Variants in OLFM3 observed in about 807,000 individuals in gnomAD.
OLFM3 encodes the protein olfactomedin 3.
Under a neutral mutation model 48.6 loss-of-function variants are expected in OLFM3, and 20 were observed. That is an observed-to-expected ratio of 0.41 (90% CI 0.29 to 0.60). The LOEUF (loss-of-function observed/expected upper bound fraction) is 0.60, where lower values mean the gene tolerates loss of function less well. Ranked by LOEUF, OLFM3 falls within the 20% of genes least tolerant of loss-of-function variation. OLFM3 has a pLI of 0.28. For synonymous variants in OLFM3, 222 were observed against 198.1 expected (o/e 1.12, Z -1.01); for missense variants, 437 against 544.3 (o/e 0.80, Z 1.96).
At chr1:101,870,857 A>C (rs951370717) in intron 1 of OLFM3, among the ~76,000 whole-genome samples, 1 of 152,104 alleles carries the variant, frequency 6.6e-6, no homozygotes, top group Non-Finnish European at 1.5e-5. Context: ...GTATAATATA[A>C]AAATTTTCCA....
intron 1 of OLFM3, among the ~76,000 whole-genome samples, chr1:101,921,560 G>A (rs1357723896): frequency 6.6e-6 from 1 of 152,068 alleles, no homozygotes; most frequent in Non-Finnish European, 1.5e-5. Context: ...AGGCACTTGG[G>A]CTCATTTCCA....
chr1:101,830,690 A>T lies in OLFM3; in HGVS notation c.354T>A (p.Leu118=), dbSNP rs1417951212. The change falls in exon 3 of 6, where the codon CTT becomes CTA. Residue 118 remains leucine (L), a synonymous_variant. Transcript: ENST00000370103. ...AACCTACCTGAAAATGCTTGGTCAT[A>T]AGTGTCTTTCGATCATCTTCAATCT... ...FRQIEDDRKT[L]MTKHFQELKE... is the part of the protein sequence containing the mutation. 1 of 1,614,166 alleles carries T rather than the reference A, an allele frequency of 6.2e-7. No individual in the cohort carries two copies. The highest frequency in any genetic ancestry group is 8.5e-7 in the Non-Finnish European group (1 of 1,180,022).
intron 4 of OLFM3, among the ~76,000 whole-genome samples, chr1:101,810,217 T>C (rs1570502626): frequency 1.3e-5 from 2 of 151,912 alleles, no homozygotes; most frequent in African/African-American, 4.8e-5. Context: ...TGAATAGTCA[T>C]GAAATCATAT....
chr1:101,820,085 G>C lies in OLFM3; in HGVS notation c.592+4941C>G, dbSNP rs1654537116. ...CCTAGCAAAGTGCCAGCACACATTA[G>C]AGAGTCAATAAATAATTGTTAAATT... On this transcript the variant is annotated intron_variant, in intron 4 of 5. Transcript: ENST00000370103. 2.6e-5 allele frequency among the ~76,000 whole-genome samples: 4 copies of C among 152,094 alleles called. No homozygotes were observed. The South Asian group carries it at 8.3e-4, about 32-fold the overall frequency.
At chr1:101,988,579 T>C (rs1488262366) in intron 1 of OLFM3, among the ~76,000 whole-genome samples, 3 of 152,088 alleles carry the variant, frequency 2.0e-5, no homozygotes, top group Non-Finnish European at 4.4e-5. Flanking sequence ...ACATAGATTA[T>C]ATTCATGAAT....
intron 1 of OLFM3, among the ~76,000 whole-genome samples, chr1:101,961,275 T>C (rs1398967980): frequency 6.6e-6 from 1 of 152,052 alleles, no homozygotes; most frequent in Admixed American, 6.6e-5. Flanking sequence ...TAATGTTACA[T>C]TTAATTTGTA....
chr1:101,887,603 T>A (rs1657813300), intron 1 of OLFM3, among the ~76,000 whole-genome samples: 1 of 152,084 alleles, frequency 6.6e-6, no homozygotes, highest in African/African-American at 2.4e-5. Flanking sequence ...TAAAATCTTT[T>A]CTAAATTCAG....
chr1:101,990,019 C>T (rs1661355791), intron 1 of OLFM3, among the ~76,000 whole-genome samples: 2 of 152,286 alleles, frequency 1.3e-5, no homozygotes, highest in South Asian at 2.1e-4. Context: ...ACAGTTTTAT[C>T]TGTTGGTAGA....
At chr1:101,925,606 G>A (rs1278777986) in intron 1 of OLFM3, among the ~76,000 whole-genome samples, 1 of 152,008 alleles carries the variant, frequency 6.6e-6, no homozygotes, top group Non-Finnish European at 1.5e-5. Context: ...GTAACTTTGA[G>A]CTCCTGGGCT....
intron 1 of OLFM3, among the ~76,000 whole-genome samples, chr1:101,968,356 G>A (rs1279102162): frequency 2.0e-5 from 3 of 152,104 alleles, no homozygotes; most frequent in Admixed American, 6.5e-5. Context: ...AGAGAAGATA[G>A]CTTTCACAGA....
chr1:101,818,421 A>G (rs189800186), intron 4 of OLFM3, among the ~76,000 whole-genome samples: 4 of 152,290 alleles, frequency 2.6e-5, no homozygotes, highest in African/African-American at 7.2e-5. Flanking sequence ...AATGCATAGC[A>G]ATGGAGACAT....
chr1:101,980,091 T>G (rs955572671), intron 1 of OLFM3, among the ~76,000 whole-genome samples: 1 of 152,208 alleles, frequency 6.6e-6, no homozygotes, highest in African/African-American at 2.4e-5. Flanking sequence ...ATGGGAGAAT[T>G]TATCCAATGC....
At chr1:101,889,738 G>A (rs1028935319) in intron 1 of OLFM3, among the ~76,000 whole-genome samples, 5 of 151,940 alleles carry the variant, frequency 3.3e-5, no homozygotes, top group African/African-American at 1.2e-4. Context: ...ATATAAAAAT[G>A]TACATAAAAC....
intron 3 of OLFM3, among the ~76,000 whole-genome samples, chr1:101,829,810 T>C (rs1007795285): frequency 3.9e-5 from 6 of 152,170 alleles, no homozygotes; most frequent in African/African-American, 7.2e-5. Context: ...GGAGCTGAGA[T>C]TGCATTAGCA....
chr1:101,834,552 A>G (rs540200200), intron 2 of OLFM3, among the ~76,000 whole-genome samples: 1 of 152,258 alleles, frequency 6.6e-6, no homozygotes, highest in South Asian at 2.1e-4. Context: ...AAATACTGTG[A>G]TATCTCAGAC....
chr1:101,966,929 T>C (rs6577296), intron 1 of OLFM3, among the ~76,000 whole-genome samples: 121,891 of 152,090 alleles, frequency 0.8, 49,068 homozygotes, highest in East Asian at 0.96. Context: ...GTAAGCTTCC[T>C]GAAGGGAAAT....
intron 1 of OLFM3, among the ~76,000 whole-genome samples, chr1:101,840,098 A>G (rs1383542652): frequency 2.6e-5 from 4 of 152,174 alleles, no homozygotes; most frequent in African/African-American, 9.7e-5. Context: ...TGAAAAGAGA[A>G]TCAAAATCAA....
At chr1:101,990,770 G>A (rs1661376462) in intron 1 of OLFM3, among the ~76,000 whole-genome samples, 3 of 151,584 alleles carry the variant, frequency 2.0e-5, no homozygotes, top group Non-Finnish European at 4.4e-5. Flanking sequence ...AGATCACGAG[G>A]TCAGGAGATC....
intron 1 of OLFM3, among the ~76,000 whole-genome samples, chr1:101,899,790 T>C (rs1313359058): frequency 3.9e-5 from 6 of 152,218 alleles, no homozygotes; most frequent in Non-Finnish European, 7.4e-5. Context: ...TTTAAAAATT[T>C]AATATGTAAA....
Sources: allele counts gnomAD v4.1 joint callset (sites outside exome capture counted in the v4.1 genomes callset), GRCh38; gene constraint gnomAD v4.1.1; transcripts MANE v1.5; gene names NCBI Gene and HGNC (gene_info 2026-07-23, HGNC 2026-07-21).